Variants in CFAP58 observed in about 807,000 individuals in gnomAD.
CFAP58 encodes cilia- and flagella-associated protein 58.
CFAP58 carries 88 observed loss-of-function variants against 119.5 expected under a neutral mutation model. That is an observed-to-expected ratio of 0.74 (90% CI 0.62 to 0.88). The LOEUF (loss-of-function observed/expected upper bound fraction) is 0.88. Ranked by LOEUF, CFAP58 falls within the 40% of genes least tolerant of loss-of-function variation. The pLI, the probability that CFAP58 is intolerant of heterozygous loss-of-function variation, is 0.00. For synonymous variants in CFAP58, 365 were observed against 366.3 expected (o/e 1.00, Z 0.04); for missense variants, 990 against 1,021.2 (o/e 0.97, Z 0.42).
chr10:104,349,014 CG>C (rs1219146436), upstream of CFAP58, among the ~76,000 whole-genome samples: 2 of 152,034 alleles, frequency 1.3e-5, no homozygotes, highest in African/African-American at 4.8e-5. Context: ...TGGGAGGCCA[CG>C]GCAGAAGGAT....
At position 104,393,477 on chromosome 10, in the gene CFAP58, T is replaced by C. The variant is rs773414802; in HGVS notation, c.1674+2T>C. 1 of 1,610,532 alleles carries C rather than the reference T, an allele frequency of 6.2e-7. No homozygotes were observed. The highest frequency in any genetic ancestry group is 1.3e-5 in the African/African-American group (1 of 74,772). ...GAAAAGGAAAAGGAAACATTGAAGG[T>C]ACTGACCTCATAGTAAAAGCAAAGT... On this transcript the variant is annotated splice_donor_variant, in intron 11 of 17. Coordinates refer to ENST00000369704, the MANE Select transcript of CFAP58 (RefSeq NM_001008723.2). LOFTEE classifies it high-confidence loss of function.
At chr10:104,347,927 C>G in the CFAP58 span, among the ~76,000 whole-genome samples, 2 of 152,098 alleles carry the variant, frequency 1.3e-5, no homozygotes, top group African/African-American at 4.8e-5. Flanking sequence ...TTGCTTTATT[C>G]TTCCCTCCAT....
chr10:104,446,823 A>C (rs1489264807), intron 15 of CFAP58, among the ~76,000 whole-genome samples: 1 of 152,216 alleles, frequency 6.6e-6, no homozygotes, highest in Non-Finnish European at 1.5e-5. Context: ...CAAGCAATTA[A>C]ACTCTAGGAT....
chr10:104,418,398 A>G (rs1050139285), intron 15 of CFAP58, among the ~76,000 whole-genome samples: 12 of 152,164 alleles, frequency 7.9e-5, no homozygotes, highest in African/African-American at 2.4e-4. Context: ...AATACAAAAA[A>G]TTAGCCGGGC....
At chr10:104,381,742 C>G (rs1455558446) in intron 9 of CFAP58, among the ~76,000 whole-genome samples, 2 of 152,128 alleles carry the variant, frequency 1.3e-5, no homozygotes, top group African/African-American at 4.8e-5. Context: ...CCCACTTAGA[C>G]TAAATCAATG....
chr10:104,388,855 G>T (rs938901941), intron 9 of CFAP58, among the ~76,000 whole-genome samples: 1 of 152,164 alleles, frequency 6.6e-6, no homozygotes, highest in Non-Finnish European at 1.5e-5. Context: ...ATAAACTGAG[G>T]CTGTACTTCT....
At chr10:104,362,915 A>T (rs1241998474) in intron 3 of CFAP58, among the ~76,000 whole-genome samples, 1 of 152,190 alleles carries the variant, frequency 6.6e-6, no homozygotes, top group African/African-American at 2.4e-5. Context: ...CAGCCTCTCT[A>T]GCCTCGTGCG....
chr10:104,428,834 G>A (rs1475539479), intron 15 of CFAP58, among the ~76,000 whole-genome samples: 1 of 152,202 alleles, frequency 6.6e-6, no homozygotes, highest in South Asian at 2.1e-4. Context: ...TTGCGATGGA[G>A]GTTGGGGTCA....
intron 1 of CFAP58, among the ~76,000 whole-genome samples, 197 bp from the exon 2 acceptor site, chr10:104,358,144 T>TGTACTTATATATACACATATATAA (rs2014618938): frequency 2.0e-5 from 3 of 151,580 alleles, no homozygotes; most frequent in Non-Finnish European, 4.4e-5. Context: ...CACATATATA[T>TGTACTTATATATACACATATATAA]GTACTTATAT....
At chr10:104,357,289 A>G (rs2135241341) in intron 1 of CFAP58, among the ~76,000 whole-genome samples, 1 of 152,312 alleles carries the variant, frequency 6.6e-6, no homozygotes, top group South Asian at 2.1e-4. Flanking sequence ...TGGAAAGCAA[A>G]TGTGGAAAAG....
At chr10:104,352,632 C>G (rs2014474695), upstream of CFAP58, among the ~76,000 whole-genome samples, 1 of 152,204 alleles carries the variant, frequency 6.6e-6, no homozygotes, top group African/African-American at 2.4e-5. Context: ...CAATCTTACT[C>G]CTTGGCATAT....
chr10:104,447,608 C>T, intron 15 of CFAP58, 90 bp from the exon 16 acceptor site: 1 of 1,520,256 alleles, frequency 6.6e-7, no homozygotes, highest in Non-Finnish European at 9.0e-7. Context: ...GCTTGGGCCA[C>T]TCCCAAATTG....
intron 5 of CFAP58, among the ~76,000 whole-genome samples, chr10:104,368,073 A>G (rs1038471617): frequency 6.6e-6 from 1 of 152,284 alleles, no homozygotes; most frequent in African/African-American, 2.4e-5. Context: ...TTGAATCTCT[A>G]GCTCATTTGC....
At chr10:104,379,150 C>G (rs2011730208) in intron 8 of CFAP58, among the ~76,000 whole-genome samples, 1 of 151,846 alleles carries the variant, frequency 6.6e-6, no homozygotes, top group Admixed American at 6.6e-5. Context: ...AACCCTGTAC[C>G]TATTCAGCAG....
chr10:104,437,139 A>G (rs1159860321), intron 15 of CFAP58, among the ~76,000 whole-genome samples: 1 of 152,184 alleles, frequency 6.6e-6, no homozygotes, highest in Non-Finnish European at 1.5e-5. Flanking sequence ...CAACTTCCTC[A>G]TCTGGAAAAT....
upstream of CFAP58, among the ~76,000 whole-genome samples, chr10:104,350,499 A>G (rs911328020): frequency 3.9e-5 from 6 of 152,128 alleles, no homozygotes; most frequent in Admixed American, 3.3e-4. Context: ...TCATCCATTC[A>G]TCCATCTGTG....
In CFAP58 at chr10:104,393,190, G is replaced by T. The variant is rs2012084297; in HGVS notation, c.1528-139G>T. ...GAGGTCGATGGGCACTAGAGACAAA[G>T]GAATAGTCTAGTTGTAATTGATCAA... is the stretch of plus-strand genomic sequence containing the variant. On this transcript the variant is annotated intron_variant, in intron 10 of 17. Coordinates refer to ENST00000369704, the MANE Select transcript of CFAP58 (RefSeq NM_001008723.2). 4.0e-6 allele frequency: 3 copies of T among 751,414 alleles called. No individual in the cohort carries two copies. In the South Asian group the frequency reaches 6.5e-5, roughly 16 times the overall value. The allele number at this position is 751,414 out of a possible 1,614,324, so 46.5% of individuals were successfully genotyped here.
At chr10:104,382,209 T>G (rs1170301873) in intron 9 of CFAP58, 1 of 717,286 alleles carries the variant, frequency 1.4e-6, no homozygotes. Context: ...GAGCCTCTGC[T>G]GACAAGGGAA....
chr10:104,392,783 G>A (rs1472366772), intron 10 of CFAP58, among the ~76,000 whole-genome samples: 3 of 151,958 alleles, frequency 2.0e-5, no homozygotes, highest in Non-Finnish European at 4.4e-5. Flanking sequence ...GGGATTACAG[G>A]CGCATGCCAC....
Sources: allele counts gnomAD v4.1 joint callset (sites outside exome capture counted in the v4.1 genomes callset), GRCh38; gene constraint gnomAD v4.1.1; transcripts MANE v1.5; gene names NCBI Gene and HGNC (gene_info 2026-07-23, HGNC 2026-07-21).